The following PXDNL variants were observed in gnomAD, a reference collection of about 807,000 sequenced individuals.
PXDNL encodes peroxidasin like, also known as probable oxidoreductase PXDNL.
In PXDNL, 145 loss-of-function variants were observed where a neutral mutation model predicts 150.8. The observed-to-expected ratio is 0.96, with a 90% CI of 0.84 to 1.10. The LOEUF (loss-of-function observed/expected upper bound fraction) is 1.10. Among genes scored for constraint, PXDNL ranks in the 50% least tolerant of loss-of-function variants. PXDNL has a pLI of 0.00. For missense variants in PXDNL, 2,087 were observed against 1,873.9 expected, an observed-to-expected ratio of 1.11 and a Z score of -2.10; for synonymous variants, 757 against 725.7, an observed-to-expected ratio of 1.04 and a Z score of -0.69.
intron 1 of PXDNL, among the ~76,000 whole-genome samples, chr8:51,656,070 G>T (rs1435075426): frequency 6.6e-6 from 1 of 152,122 alleles, no homozygotes; most frequent in East Asian, 1.9e-4. Flanking sequence ...CCAAGGAGAA[G>T]TATATCAGGG....
intron 1 of PXDNL, among the ~76,000 whole-genome samples, chr8:51,744,361 G>C (rs1468144514): frequency 6.6e-6 from 1 of 150,870 alleles, no homozygotes; most frequent in Non-Finnish European, 1.5e-5. Context: ...AAAGAAAAGA[G>C]AGAGAAAGAG....
chr8:51,664,143 G>A (rs898901313), intron 1 of PXDNL, among the ~76,000 whole-genome samples: 3 of 151,858 alleles, frequency 2.0e-5, no homozygotes, highest in African/African-American at 7.3e-5. Context: ...GGCTACATCT[G>A]AACAGCGTCA....
At chr8:51,473,845 T>C (rs1359800387) in intron 7 of PXDNL, among the ~76,000 whole-genome samples, 1 of 152,088 alleles carries the variant, frequency 6.6e-6, no homozygotes, top group African/African-American at 2.4e-5. Flanking sequence ...TTGTGCTTTA[T>C]TTTAAGGTAG....
At chr8:51,689,377 G>A (rs1300741050) in intron 1 of PXDNL, among the ~76,000 whole-genome samples, 3 of 150,872 alleles carry the variant, frequency 2.0e-5, no homozygotes, top group Non-Finnish European at 2.9e-5. Context: ...ACTGCAGAAC[G>A]TCTTTAAATA....
intron 19 of PXDNL, among the ~76,000 whole-genome samples, chr8:51,367,619 T>C (rs1435351449): frequency 6.6e-6 from 1 of 152,146 alleles, no homozygotes; most frequent in African/African-American, 2.4e-5. Flanking sequence ...ATGCAAAGTA[T>C]GGCTGCATGA....
intron 12 of PXDNL, among the ~76,000 whole-genome samples, chr8:51,430,305 T>C (rs1809219520): frequency 6.6e-6 from 1 of 152,212 alleles, no homozygotes; most frequent in Non-Finnish European, 1.5e-5. Flanking sequence ...CCCTTTCCTT[T>C]TCAGCCAAGC....
At chr8:51,484,449 A>AG (rs1554545162) in intron 5 of PXDNL, among the ~76,000 whole-genome samples, 4 of 150,646 alleles carry the variant, frequency 2.7e-5, no homozygotes, top group Non-Finnish European at 5.9e-5. Context: ...AAAAAAAAAA[A>AG]GGCACAACAA....
intron 4 of PXDNL, among the ~76,000 whole-genome samples, chr8:51,538,260 AT>A (rs1812130283): frequency 6.6e-6 from 1 of 152,162 alleles, no homozygotes; most frequent in Non-Finnish European, 1.5e-5. Context: ...GATAACTAAA[AT>A]TTTTGCTCTG....
chr8:51,562,579 T>C (rs926893990), intron 3 of PXDNL, among the ~76,000 whole-genome samples: 3 of 152,006 alleles, frequency 2.0e-5, no homozygotes, highest in South Asian at 2.1e-4. Flanking sequence ...ATAAAACTTA[T>C]TGGGCTTTTG....
intron 19 of PXDNL, among the ~76,000 whole-genome samples, chr8:51,370,760 CTAATTT>C (rs1807082615): frequency 6.6e-6 from 1 of 152,198 alleles, no homozygotes; most frequent in South Asian, 2.1e-4. Flanking sequence ...TCACGCCTGG[CTAATTT>C]TTGTATTTTT....
intron 1 of PXDNL, among the ~76,000 whole-genome samples, chr8:51,763,339 C>G (rs954385185): frequency 1.4e-5 from 2 of 141,140 alleles, no homozygotes; most frequent in African/African-American, 5.2e-5. Flanking sequence ...AAAAAAGAAC[C>G]AAAATGGCGG....
intron 2 of PXDNL, among the ~76,000 whole-genome samples, chr8:51,624,559 C>A (rs1171521451): frequency 6.6e-6 from 1 of 151,354 alleles, no homozygotes; most frequent in Non-Finnish European, 1.5e-5. Flanking sequence ...CTAAAACAAA[C>A]TATAACTCAC....
intron 6 of PXDNL, 141 bp from the exon 7 acceptor site, chr8:51,475,282 C>A: frequency 2.6e-6 from 2 of 764,670 alleles, no homozygotes; most frequent in South Asian, 1.9e-5. Context: ...AACCAATAAA[C>A]AGATTTTAAG....
intron 2 of PXDNL, among the ~76,000 whole-genome samples, chr8:51,644,526 C>T (rs1264967221): frequency 6.6e-6 from 1 of 150,626 alleles, no homozygotes; most frequent in African/African-American, 2.4e-5. Context: ...GTGGCACTAT[C>T]TCAGCTCATT....
At chr8:51,425,808 C>T (rs1031531997) in intron 13 of PXDNL, among the ~76,000 whole-genome samples, 18 of 150,708 alleles carry the variant, frequency 1.2e-4, no homozygotes, top group African/African-American at 3.4e-4. Context: ...GGCGACAAAG[C>T]GAGACTCCGT....
intron 1 of PXDNL, among the ~76,000 whole-genome samples, chr8:51,800,409 T>C (rs1352934927): frequency 1.3e-5 from 2 of 152,168 alleles, no homozygotes; most frequent in Non-Finnish European, 2.9e-5. Flanking sequence ...CTGATTCAGA[T>C]AAGACAGGAA....
intron 2 of PXDNL, among the ~76,000 whole-genome samples, chr8:51,627,189 G>A (rs1343546381): frequency 6.6e-6 from 1 of 152,154 alleles, no homozygotes; most frequent in Non-Finnish European, 1.5e-5. Context: ...ATTTCTCTGT[G>A]ACTTTGCTTC....
chr8:51,417,999 TCA>T lies in PXDNL; in HGVS notation c.1796-4743_1796-4742del, dbSNP rs571452598. Among the ~76,000 whole-genome samples, 18 of 152,326 alleles carry T rather than the reference TCA, an allele frequency of 1.2e-4. 1 individual carries two copies. The South Asian group carries it at 3.7e-3, about 32-fold the overall frequency. Reference sequence around the variant, plus strand: ...GTTTTCTTTATAATGTTTAAACTATTCAAACACTACAACACCAAAAATCTGGA... The same window carrying T: ...GTTTTCTTTATAATGTTTAAACTATTAACACTACAACACCAAAAATCTGGA... On this transcript the variant is annotated intron_variant, in intron 14 of 22. Transcript: ENST00000356297.
At chr8:51,745,290 C>A (rs2036970703) in intron 1 of PXDNL, among the ~76,000 whole-genome samples, 1 of 152,084 alleles carries the variant, frequency 6.6e-6, no homozygotes, top group Non-Finnish European at 1.5e-5. Flanking sequence ...GATTAAGATT[C>A]TAGCTTTCAA....
Sources: gnomAD v4.1 joint callset for allele counts (sites outside exome capture counted in the v4.1 genomes callset) on GRCh38, gnomAD v4.1.1 for gene constraint, MANE v1.5 for transcripts, NCBI Gene and HGNC (gene_info 2026-07-23, HGNC 2026-07-21) for gene names.